The following KCNMB2 variants were observed in gnomAD, a reference collection of about 807,000 sequenced individuals.
The protein encoded by KCNMB2 is potassium calcium-activated channel subfamily M regulatory beta subunit 2, also known as calcium-activated potassium channel subunit beta-2.
A neutral mutation model predicts 24.5 loss-of-function variants in KCNMB2; 9 were observed. The ratio of observed to expected loss-of-function variants is 0.37; its 90% confidence interval spans 0.22 to 0.64. KCNMB2 has a LOEUF of 0.64. Ranked by LOEUF, KCNMB2 falls within the 30% of genes least tolerant of loss-of-function variation. The pLI is 0.63. For synonymous variants in KCNMB2, 109 were observed against 104.4 expected, an observed-to-expected ratio of 1.04 and a Z score of -0.27; for missense variants, 226 against 284.3, an observed-to-expected ratio of 0.79 and a Z score of 1.47.
intron 1 of KCNMB2, among the ~76,000 whole-genome samples, chr3:178,778,508 TC>T (rs1182493141): frequency 1.5e-5 from 2 of 129,452 alleles, no homozygotes; most frequent in Non-Finnish European, 3.4e-5. Flanking sequence ...ACACACCTGT[TC>T]CAGGCTCACT....
chr3:178,772,450 C>T (rs1386982149), intron 1 of KCNMB2, among the ~76,000 whole-genome samples: 1 of 152,172 alleles, frequency 6.6e-6, no homozygotes, highest in Non-Finnish European at 1.5e-5. Flanking sequence ...CTCACAAGAT[C>T]TGACAGTTTT....
At chr3:178,595,744 C>T (rs1375111490) in intron 1 of KCNMB2, among the ~76,000 whole-genome samples, 1 of 152,082 alleles carries the variant, frequency 6.6e-6, no homozygotes, top group Non-Finnish European at 1.5e-5. Context: ...AAACCTCTTT[C>T]CTTTATAAAT....
chr3:178,538,732 A>G (rs988349383), intron 1 of KCNMB2, among the ~76,000 whole-genome samples: 8 of 152,188 alleles, frequency 5.3e-5, no homozygotes, highest in African/African-American at 1.9e-4. Context: ...ATGTGTCTGA[A>G]CTGTATGCCC....
At chr3:178,819,744 T>C (rs1714553847) in intron 2 of KCNMB2, among the ~76,000 whole-genome samples, 1 of 152,242 alleles carries the variant, frequency 6.6e-6, no homozygotes, top group South Asian at 2.1e-4. Flanking sequence ...GGTCATAATG[T>C]GAAATTTGCC....
At chr3:178,758,604 A>ATATATCTCTC (rs1348761003) in intron 1 of KCNMB2, among the ~76,000 whole-genome samples, 68 of 34,706 alleles carry the variant, frequency 2.0e-3, no homozygotes, top group East Asian at 2.6e-3. Flanking sequence ...AGATATATAT[A>ATATATCTCTC]TCTCCAAGAG....
chr3:178,683,429 C>A (rs561828409), intron 1 of KCNMB2, among the ~76,000 whole-genome samples: 5 of 151,980 alleles, frequency 3.3e-5, no homozygotes, highest in African/African-American at 7.3e-5. Context: ...CAGCATCATG[C>A]AATATATCCA....
Position 178,817,721 on chromosome 3 carries a change from A to G in KCNMB2, c.57-7867A>G, listed in dbSNP as rs568027524. Among the ~76,000 whole-genome samples the G allele has an allele frequency of 9.2e-5, 14 of 152,276 alleles. No homozygotes were observed. In the East Asian group the frequency reaches 1.2e-3, roughly 13 times the overall value. On this transcript the variant is annotated intron_variant, in intron 2 of 4. Coordinates refer to ENST00000452583, the MANE Select transcript of KCNMB2 (RefSeq NM_181361.3). ...CTAAATTTGTTGGTGGTAGAGTCCA[A>G]TGGACACTGATGGGAAGATAGAAAC...
At chr3:178,574,084 C>T (rs911862786) in intron 1 of KCNMB2, among the ~76,000 whole-genome samples, 2 of 152,120 alleles carry the variant, frequency 1.3e-5, no homozygotes, top group East Asian at 1.9e-4. Context: ...TAGAGCCAAA[C>T]ATGTGGCACT....
At chr3:178,756,326 T>TTTATG (rs1253691651) in intron 1 of KCNMB2, among the ~76,000 whole-genome samples, 1 of 151,910 alleles carries the variant, frequency 6.6e-6, no homozygotes, top group Non-Finnish European at 1.5e-5. Flanking sequence ...ATTTGCATTA[T>TTTATG]TTATGTTATG....
chr3:178,773,956 T>C (rs1049004958), intron 1 of KCNMB2, among the ~76,000 whole-genome samples: 17 of 152,244 alleles, frequency 1.1e-4, no homozygotes, highest in African/African-American at 4.1e-4. Context: ...AACAAAAATG[T>C]ATTTTCTCAC....
chr3:178,778,462 A>ACGCACGCACGTGCGCGCGCGCGCG (rs1437410515), intron 1 of KCNMB2, among the ~76,000 whole-genome samples: 2 of 63,596 alleles, frequency 3.1e-5, no homozygotes, highest in East Asian at 4.1e-4. Flanking sequence ...TAAGACACAC[A>ACGCACGCACGTGCGCGCGCGCGCG]CACACACACA....
chr3:178,536,987 C>G (rs1166770707), intron 1 of KCNMB2, among the ~76,000 whole-genome samples: 2 of 152,124 alleles, frequency 1.3e-5, no homozygotes, highest in African/African-American at 4.8e-5. Context: ...TTAGAGGTCA[C>G]GAAGGAAACA....
rs147820555 is a variant in KCNMB2 at position 178,590,652 on chromosome 3, G to A, written c.-68+53941G>A. 8.4e-3 allele frequency among the ~76,000 whole-genome samples: 1,283 copies of A among 152,222 alleles called. 71 individuals carry two copies. Among genetic ancestry groups the A allele is most frequent in the Admixed American group, 0.076 (1,157 of 15,278 alleles). On this transcript the variant is annotated intron_variant, in intron 1 of 4. Coordinates refer to ENST00000452583, the MANE Select transcript of KCNMB2 (RefSeq NM_181361.3). The stretch of plus-strand genomic sequence containing the variant: ...CAATGCTACAAAGTAGGCACTACTA[G>A]TATCTCTTATCTGTGGTTGAAATTA...
intron 1 of KCNMB2, among the ~76,000 whole-genome samples, chr3:178,766,272 T>C (rs1473677367): frequency 1.3e-5 from 2 of 152,126 alleles, no homozygotes; most frequent in Non-Finnish European, 2.9e-5. Context: ...TAGCGCCCTA[T>C]ACCCTCAAAT....
intron 2 of KCNMB2, among the ~76,000 whole-genome samples, chr3:178,824,956 A>G (rs1364962612): frequency 6.6e-6 from 1 of 152,216 alleles, no homozygotes; most frequent in African/African-American, 2.4e-5. Context: ...CTCGATTTGA[A>G]TGACACTTTT....
intron 1 of KCNMB2, among the ~76,000 whole-genome samples, chr3:178,804,472 G>A (rs148641821): frequency 6.6e-6 from 1 of 152,212 alleles, no homozygotes; most frequent in Non-Finnish European, 1.5e-5. Context: ...AACTAGGGTG[G>A]AAACACTCCA....
chr3:178,837,545 T>C (rs1715278456), intron 4 of KCNMB2, among the ~76,000 whole-genome samples: 2 of 152,180 alleles, frequency 1.3e-5, no homozygotes, highest in Non-Finnish European at 2.9e-5. Context: ...TCAGGGACAG[T>C]TAATGGTCTA....
intron 1 of KCNMB2, among the ~76,000 whole-genome samples, chr3:178,743,088 G>A (rs1723548078): frequency 6.6e-6 from 1 of 152,162 alleles, no homozygotes; most frequent in African/African-American, 2.4e-5. Context: ...AAAGTCTTAA[G>A]ATAAGACAGT....
intron 1 of KCNMB2, among the ~76,000 whole-genome samples, chr3:178,774,036 T>A (rs544911454): frequency 1.2e-4 from 19 of 152,260 alleles, no homozygotes; most frequent in African/African-American, 4.3e-4. Context: ...ACTCCATTGA[T>A]GAAATTTTTA....
Sources: gnomAD v4.1 joint callset for allele counts (sites outside exome capture counted in the v4.1 genomes callset) on GRCh38, gnomAD v4.1.1 for gene constraint, MANE v1.5 for transcripts, NCBI Gene and HGNC (gene_info 2026-07-23, HGNC 2026-07-21) for gene names.